The following SUGCT variants were observed in gnomAD, a reference collection of about 807,000 sequenced individuals.
SUGCT encodes the protein succinyl-CoA:glutarate-CoA transferase.
Under a neutral mutation model 55.0 loss-of-function variants are expected in SUGCT, and 41 were observed. The observed-to-expected ratio is 0.74, with a 90% CI of 0.58 to 0.97. The LOEUF is 0.97. SUGCT is among the 50% of genes least tolerant of loss of function. The probability of loss-of-function intolerance (pLI) is 0.00; values close to 1 mark genes in which losing one functional copy is unlikely to be tolerated. For synonymous variants in SUGCT, 187 were observed against 200.4 expected (o/e 0.93, Z 0.56); for missense variants, 568 against 547.8 (o/e 1.04, Z -0.37).
At chr7:40,982,666 T>A in the SUGCT span, among the ~76,000 whole-genome samples, 15 of 152,270 alleles carry the variant, frequency 9.9e-5, no homozygotes, top group African/African-American at 3.4e-4. Flanking sequence ...ATTTTTTTTT[T>A]ATTTTTTAGA....
the SUGCT span, among the ~76,000 whole-genome samples, chr7:40,951,644 G>A: frequency 6.6e-6 from 1 of 151,944 alleles, no homozygotes; most frequent in Non-Finnish European, 1.5e-5. Flanking sequence ...AGAGATTCTG[G>A]TATGTTGTGT....
At chr7:40,190,049 A>G (rs1444914323) in intron 5 of SUGCT, among the ~76,000 whole-genome samples, 2 of 152,186 alleles carry the variant, frequency 1.3e-5, no homozygotes, top group Non-Finnish European at 2.9e-5. Flanking sequence ...ACCCTTACTC[A>G]GATGACCAAT....
At chr7:40,934,214 G>A in the SUGCT span, among the ~76,000 whole-genome samples, 2 of 152,182 alleles carry the variant, frequency 1.3e-5, no homozygotes, top group African/African-American at 2.4e-5. Flanking sequence ...AGATCTGTTG[G>A]AGTTTGCTGG....
At chr7:40,938,371 A>G in the SUGCT span, among the ~76,000 whole-genome samples, 2 of 145,520 alleles carry the variant, frequency 1.4e-5, no homozygotes, top group African/African-American at 2.5e-5. Flanking sequence ...TAATTCCCTT[A>G]TTTGTTTTAT....
chr7:40,771,970 A>G (rs1476633351), intron 13 of SUGCT, among the ~76,000 whole-genome samples: 1 of 151,942 alleles, frequency 6.6e-6, no homozygotes, highest in Admixed American at 6.6e-5. Context: ...TTAGCATAGT[A>G]TTTTTCATCT....
At position 40,595,243 on chromosome 7, in the gene SUGCT, C is replaced by A. The variant is rs141225140; in HGVS notation, c.1089+98857C>A. 3.3e-3 allele frequency among the ~76,000 whole-genome samples: 495 copies of A among 152,250 alleles called. 9 individuals carry two copies. Among genetic ancestry groups the A allele is most frequent in the East Asian group, 0.03 (158 of 5,188 alleles). On this transcript the variant is annotated intron_variant, in intron 12 of 13. Transcript: ENST00000335693. ...CTCGGCAGAAGTGAAATAGTTTGAC[C>A]GAGGTCATAATGCTCTTAAGTGATG...
At chr7:40,915,386 A>G in the SUGCT span, among the ~76,000 whole-genome samples, 1 of 152,208 alleles carries the variant, frequency 6.6e-6, no homozygotes, top group African/African-American at 2.4e-5. Flanking sequence ...GAAACTAGGT[A>G]AGACCTCAAA....
At chr7:40,325,951 A>G (rs1468309847) in intron 9 of SUGCT, among the ~76,000 whole-genome samples, 2 of 101,044 alleles carry the variant, frequency 2.0e-5, no homozygotes, top group Admixed American at 1.4e-4. Flanking sequence ...ATCTGTTTCC[A>G]TTATCTCTTT....
At chr7:40,640,574 T>C (rs1224365776) in intron 12 of SUGCT, among the ~76,000 whole-genome samples, 1 of 152,224 alleles carries the variant, frequency 6.6e-6, no homozygotes, top group African/African-American at 2.4e-5. Context: ...ATGGATTGAC[T>C]TTTGGCAGCT....
intron 9 of SUGCT, among the ~76,000 whole-genome samples, chr7:40,378,554 T>C (rs1036029317): frequency 2.0e-5 from 3 of 152,134 alleles, no homozygotes; most frequent in African/African-American, 7.2e-5. Context: ...CTCACTGCAA[T>C]CCCTGCCTCC....
At chr7:40,943,765 C>T in the SUGCT span, among the ~76,000 whole-genome samples, 34 of 152,032 alleles carry the variant, frequency 2.2e-4, no homozygotes, top group African/African-American at 7.5e-4. Context: ...TTTATAGCAG[C>T]GTGATTTATA....
intron 6 of SUGCT, among the ~76,000 whole-genome samples, chr7:40,236,926 T>C (rs193219849): frequency 6.6e-6 from 1 of 152,028 alleles, no homozygotes; most frequent in Non-Finnish European, 1.5e-5. Context: ...CTCCACCTCC[T>C]GGTTCAAGTG....
intron 12 of SUGCT, among the ~76,000 whole-genome samples, chr7:40,558,509 A>G (rs1301774638): frequency 2.6e-5 from 4 of 152,230 alleles, no homozygotes; most frequent in African/African-American, 9.6e-5. Context: ...AGTAGGGACA[A>G]AGGACAGATA....
chr7:40,836,958 G>A (rs964320457), intron 13 of SUGCT, among the ~76,000 whole-genome samples: 2 of 152,038 alleles, frequency 1.3e-5, no homozygotes, highest in African/African-American at 4.8e-5. Flanking sequence ...ATGTTTAGGT[G>A]TACAGTTGCT....
the SUGCT span, among the ~76,000 whole-genome samples, chr7:40,972,136 G>C: frequency 6.6e-6 from 1 of 151,710 alleles, no homozygotes; most frequent in Non-Finnish European, 1.5e-5. Flanking sequence ...TTTTTACCTG[G>C]TTTTTCACTC....
At chr7:40,196,959 C>T (rs77592407) in intron 6 of SUGCT, among the ~76,000 whole-genome samples, 241 of 152,126 alleles carry the variant, frequency 1.6e-3, no homozygotes, top group African/African-American at 5.4e-3. Context: ...CTCAGCCACC[C>T]GAGTAGATGG....
Position 40,860,402 on chromosome 7 carries a change from G to A in SUGCT, c.1240G>A (p.Glu414Lys), listed in dbSNP as rs775879232. 147 of 1,613,848 alleles carry A rather than the reference G, an allele frequency of 9.1e-5. No individual in the cohort carries two copies. The highest frequency in any genetic ancestry group is 1.2e-4 in the Non-Finnish European group (140 of 1,179,864). Residue 414 changes from glutamate (E) to lysine (K), a missense_variant, in exon 14 of 14, where the codon GAG becomes AAG. Physicochemically the swap from Glu to Lys is moderately conservative, Grantham distance 56. Coordinates refer to ENST00000335693, the MANE Select transcript of SUGCT (RefSeq NM_001193313.2). ...GCAGCACACAACGCACATCCTGAAG[G>A]AGGTCCTGAGATACGATGACAGGGC... ...LGQHTTHILK[E>K]VLRYDDRAIG...
rs567017064 is a variant in SUGCT at position 40,342,886 on chromosome 7, G to A, written c.816+26031G>A. On this transcript the variant is annotated intron_variant, in intron 9 of 13. Transcript: ENST00000335693. ...TTGAACTCCTGACCTCAAGTGATCCGCTTGCCTTGGCCTCCCAAAGTGCTG... is the reference window on the plus strand; with the variant it reads ...TTGAACTCCTGACCTCAAGTGATCCACTTGCCTTGGCCTCCCAAAGTGCTG... 2.6e-5 allele frequency among the ~76,000 whole-genome samples: 4 copies of A among 152,144 alleles called. No homozygotes were observed. In the South Asian group the frequency reaches 6.2e-4, roughly 24 times the overall value.
At chr7:40,926,377 T>C in the SUGCT span, among the ~76,000 whole-genome samples, 2 of 151,984 alleles carry the variant, frequency 1.3e-5, no homozygotes, top group East Asian at 3.9e-4. Flanking sequence ...AATGGAGAAA[T>C]GTTACTAGAT....
Sources: allele counts gnomAD v4.1 joint callset (sites outside exome capture counted in the v4.1 genomes callset), GRCh38; gene constraint gnomAD v4.1.1; transcripts MANE v1.5; gene names NCBI Gene and HGNC (gene_info 2026-07-23, HGNC 2026-07-21).